Variants in VAV3 observed in about 807,000 individuals in gnomAD.
VAV3 encodes guanine nucleotide exchange factor VAV3.
Under a neutral mutation model 131.2 loss-of-function variants are expected in VAV3, and 94 were observed. That is an observed-to-expected ratio of 0.72 (90% CI 0.61 to 0.85). VAV3 has a LOEUF of 0.85. Among genes scored for constraint, VAV3 ranks in the 40% least tolerant of loss-of-function variants. The pLI, the probability that VAV3 is intolerant of heterozygous loss-of-function variation, is 0.00. For missense variants in VAV3, 939 were observed against 1,002.7 expected (o/e 0.94, Z 0.86); for synonymous variants, 349 against 342.0 (o/e 1.02, Z -0.22).
At chr1:107,615,382 G>A (rs1235249080) in intron 21 of VAV3, among the ~76,000 whole-genome samples, 1 of 152,198 alleles carries the variant, frequency 6.6e-6, no homozygotes, top group African/African-American at 2.4e-5. Flanking sequence ...AATGATGCTG[G>A]GATAACTGGC....
chr1:107,880,248 A>G (rs1236006818), intron 1 of VAV3, among the ~76,000 whole-genome samples: 1 of 152,204 alleles, frequency 6.6e-6, no homozygotes, highest in African/African-American at 2.4e-5. Context: ...TCACCTACAT[A>G]AAGAGAAGGA....
chr1:107,870,190 T>A (rs980055786), intron 2 of VAV3, among the ~76,000 whole-genome samples: 1 of 152,180 alleles, frequency 6.6e-6, no homozygotes, highest in Non-Finnish European at 1.5e-5. Flanking sequence ...GTTCTACATT[T>A]AGTTCTTTAA....
chr1:107,924,937 T>C (rs536056876), intron 1 of VAV3, among the ~76,000 whole-genome samples: 133 of 152,352 alleles, frequency 8.7e-4, no homozygotes, highest in African/African-American at 3.0e-3. Context: ...TCCCAAAAGA[T>C]ATGTACGCAT....
At chr1:107,938,830 G>C (rs956670220) in intron 1 of VAV3, among the ~76,000 whole-genome samples, 1 of 152,202 alleles carries the variant, frequency 6.6e-6, no homozygotes, top group Non-Finnish European at 1.5e-5. Context: ...TATGGACACA[G>C]TGAACTGTAA....
chr1:107,707,756 T>C lies in VAV3; in HGVS notation c.1503-2695A>G, dbSNP rs114643109. On this transcript the variant is annotated intron_variant, in intron 15 of 26. Coordinates refer to ENST00000370056, the MANE Select transcript of VAV3 (RefSeq NM_006113.5). ...GTGATCTCTTCAGTTCACACTGAAG[T>C]ACAAACTGAGGAGATCATACATGGT... 5.4e-3 allele frequency among the ~76,000 whole-genome samples: 819 copies of C among 152,264 alleles called. 14 individuals are homozygous for C. The highest frequency in any genetic ancestry group is 6.8e-3 in the Middle Eastern group (2 of 294).
At chr1:107,583,843 T>C (rs1268250061) in intron 25 of VAV3, among the ~76,000 whole-genome samples, 4 of 152,214 alleles carry the variant, frequency 2.6e-5, no homozygotes, top group East Asian at 1.9e-4. Flanking sequence ...AGGTAATTTA[T>C]AGATTCAAAT....
intron 25 of VAV3, among the ~76,000 whole-genome samples, chr1:107,575,761 T>C (rs1649602641): frequency 6.6e-6 from 1 of 152,248 alleles, no homozygotes; most frequent in Non-Finnish European, 1.5e-5. Flanking sequence ...AAGTTTTTTC[T>C]AGTTTTAAAT....
At chr1:107,918,704 TA>T (rs1553230968) in intron 1 of VAV3, among the ~76,000 whole-genome samples, 22,187 of 76,038 alleles carry the variant, frequency 0.29, 1,919 homozygotes, top group East Asian at 0.41. Context: ...TATATATATA[TA>T]TTTTTTTTTT....
In VAV3 at chr1:107,851,503, T is replaced by G. The variant is rs965628403; in HGVS notation, c.321+23398A>C. 6.6e-5 allele frequency among the ~76,000 whole-genome samples: 10 copies of G among 152,250 alleles called. No homozygotes were observed. In the East Asian group the frequency reaches 1.7e-3, roughly 26 times the overall value. ...TCTTGCCTATTAAGCTGGAAAGCCTTTATTCATTTTATACTGAGCCACAGA... is the reference window on the plus strand; with the variant it reads ...TCTTGCCTATTAAGCTGGAAAGCCTGTATTCATTTTATACTGAGCCACAGA... On this transcript the variant is annotated intron_variant, in intron 2 of 26. Transcript: ENST00000370056.
chr1:107,762,447 T>C (rs1394067825), intron 9 of VAV3, among the ~76,000 whole-genome samples: 1 of 152,228 alleles, frequency 6.6e-6, no homozygotes, highest in Non-Finnish European at 1.5e-5. Context: ...CATCAATTAC[T>C]GCAGTTCATT....
Position 107,929,130 on chromosome 1 carries a change from T to G in VAV3, c.204+35536A>C, listed in dbSNP as rs552875238. ...ATTTAAAGTGCTGAAGGAGAAAAAT[T>G]TATGCCCATTAGCCAGGAGTGGTGG... On this transcript the variant is annotated intron_variant, in intron 1 of 26. Coordinates refer to ENST00000370056, the MANE Select transcript of VAV3 (RefSeq NM_006113.5). Among the ~76,000 whole-genome samples, 16 of 151,548 alleles carry G rather than the reference T, an allele frequency of 1.1e-4. No homozygotes were observed. In the South Asian group the frequency reaches 3.3e-3, roughly 32 times the overall value.
intron 2 of VAV3, among the ~76,000 whole-genome samples, chr1:107,802,962 T>C (rs1339112708): frequency 6.6e-6 from 1 of 151,570 alleles, no homozygotes; most frequent in African/African-American, 2.4e-5. Flanking sequence ...AGTGAAGCCA[T>C]CAGGTCCTGG....
chr1:107,651,715 T>C (rs1656188405), intron 19 of VAV3, among the ~76,000 whole-genome samples: 1 of 152,084 alleles, frequency 6.6e-6, no homozygotes, highest in South Asian at 2.1e-4. Flanking sequence ...GTCTTTCTAA[T>C]TGGCTTTTCC....
chr1:107,959,127 A>G (rs59832694), intron 1 of VAV3, among the ~76,000 whole-genome samples: 17,509 of 151,956 alleles, frequency 0.12, 1,919 homozygotes, highest in African/African-American at 0.29. Flanking sequence ...CAGGCGTGGT[A>G]GCACACACCT....
Position 107,760,894 on chromosome 1 carries a change from T to TA in VAV3, c.922-16dup. 1 of 1,592,560 alleles carries TA rather than the reference T, an allele frequency of 6.3e-7. No individual in the cohort carries two copies. The highest frequency in any genetic ancestry group is 8.6e-7 in the Non-Finnish European group (1 of 1,161,416). On this transcript the variant is annotated splice_polypyrimidine_tract_variant and intron_variant, in intron 9 of 26. Transcript: ENST00000370056. Reference sequence around the variant, plus strand: ...TTGGAACATTCCTAATGAAATGTTTTAAAAACACTTTGTTAGGGAGTCATA... The same window carrying TA: ...TTGGAACATTCCTAATGAAATGTTTTAAAAAACACTTTGTTAGGGAGTCATA...
At chr1:107,922,982 C>T (rs1168832448) in intron 1 of VAV3, among the ~76,000 whole-genome samples, 1 of 146,380 alleles carries the variant, frequency 6.8e-6, no homozygotes, top group Non-Finnish European at 1.5e-5. Context: ...AAAAAAAGAG[C>T]ACAATTTGAT....
chr1:107,721,432 T>C (rs1033573537), intron 15 of VAV3, among the ~76,000 whole-genome samples: 4 of 152,028 alleles, frequency 2.6e-5, no homozygotes, highest in Non-Finnish European at 4.4e-5. Context: ...ATGGAAGGAA[T>C]GGATGAAAAG....
At chr1:107,852,127 T>C (rs1422474842) in intron 2 of VAV3, among the ~76,000 whole-genome samples, 1 of 152,196 alleles carries the variant, frequency 6.6e-6, no homozygotes. Flanking sequence ...GAAGTTTGAA[T>C]TGTTTATTAA....
intron 2 of VAV3, among the ~76,000 whole-genome samples, chr1:107,787,283 C>T (rs1347814715): frequency 1.3e-5 from 2 of 152,162 alleles, no homozygotes; most frequent in African/African-American, 2.4e-5. Flanking sequence ...CTAGATACAC[C>T]AGACACACAC....
Sources: allele counts gnomAD v4.1 joint callset (sites outside exome capture counted in the v4.1 genomes callset), GRCh38; gene constraint gnomAD v4.1.1; transcripts MANE v1.5; gene names NCBI Gene and HGNC (gene_info 2026-07-23, HGNC 2026-07-21).